The following ADGRL3 variants were observed in gnomAD, a reference collection of about 807,000 sequenced individuals.
The protein encoded by ADGRL3 is adhesion G protein-coupled receptor L3.
A neutral mutation model predicts 153.5 loss-of-function variants in ADGRL3; 62 were observed. The ratio of observed to expected loss-of-function variants is 0.40; its 90% CI spans 0.33 to 0.50. ADGRL3 has a LOEUF of 0.50. Ranked by LOEUF, ADGRL3 falls within the 20% of genes least tolerant of loss-of-function variation. The pLI is 0.47. For missense variants in ADGRL3, 1,641 were observed against 1,859.4 expected (o/e 0.88, Z 2.16); for synonymous variants, 710 against 672.5 (o/e 1.06, Z -0.86).
At chr4:62,017,619 G>T (rs1560511690) in intron 21 of ADGRL3, among the ~76,000 whole-genome samples, 1 of 151,952 alleles carries the variant, frequency 6.6e-6, no homozygotes, top group African/African-American at 2.4e-5. Context: ...ATAATGTATT[G>T]TTTGTACTCT....
intron 9 of ADGRL3, among the ~76,000 whole-genome samples, chr4:61,853,127 A>G (rs1055901020): frequency 6.6e-6 from 1 of 151,926 alleles, no homozygotes; most frequent in Non-Finnish European, 1.5e-5. Flanking sequence ...GTGTGGAGCC[A>G]CTGCCCCTGG....
At chr4:61,220,112 CAAAAAA>C (rs71211371) in intron 1 of ADGRL3, among the ~76,000 whole-genome samples, 1 of 135,760 alleles carries the variant, frequency 7.4e-6, no homozygotes, top group Non-Finnish European at 1.6e-5. Context: ...AAATCTGTCT[CAAAAAA>C]AAAAAAAAAA....
At chr4:61,754,622 A>ATTTG (rs1232473164) in intron 8 of ADGRL3, among the ~76,000 whole-genome samples, 1 of 150,600 alleles carries the variant, frequency 6.6e-6, no homozygotes, top group African/African-American at 2.4e-5. Flanking sequence ...ATATATATTT[A>ATTTG]TTTATTATTA....
At chr4:61,812,911 A>G (rs1343813641) in intron 8 of ADGRL3, among the ~76,000 whole-genome samples, 1 of 152,172 alleles carries the variant, frequency 6.6e-6, no homozygotes, top group African/African-American at 2.4e-5. Context: ...TTTTCATTAA[A>G]TACAGTAGGA....
At chr4:61,646,671 C>T (rs956979884) in intron 5 of ADGRL3, among the ~76,000 whole-genome samples, 8 of 152,168 alleles carry the variant, frequency 5.3e-5, no homozygotes, top group Middle Eastern at 3.4e-3. Context: ...GAACCACTGC[C>T]CTCTTCAAAG....
rs549566606 is a variant in ADGRL3, at chr4:61,813,603, C to A, written c.1400-206C>A. On this transcript the variant is annotated intron_variant, in intron 8 of 26. Transcript: ENST00000683033. ...TTCACAACAACAAAAAAAGAAGAAA[C>A]ATAACTCAGATTGTTGGAAAAGCAC... Among the ~76,000 whole-genome samples the A allele has an allele frequency of 2.0e-5, 3 of 152,128 alleles. No individual in the cohort carries two copies. The South Asian group carries it at 6.2e-4, about 32-fold the overall frequency.
chr4:61,269,293 TC>T (rs1206106841), intron 1 of ADGRL3, among the ~76,000 whole-genome samples: 1 of 151,628 alleles, frequency 6.6e-6, no homozygotes, highest in Non-Finnish European at 1.5e-5. Flanking sequence ...TTCTCCTTCT[TC>T]CTTTTCTCTG....
At chr4:61,800,158 G>T (rs147174768) in intron 8 of ADGRL3, among the ~76,000 whole-genome samples, 73 of 152,214 alleles carry the variant, frequency 4.8e-4, no homozygotes, top group Middle Eastern at 3.4e-3. Flanking sequence ...CTAGCAAAAA[G>T]AAACCTTCTT....
intron 19 of ADGRL3, among the ~76,000 whole-genome samples, chr4:61,993,290 CTTTT>C (rs761710043): frequency 1.4e-5 from 1 of 69,200 alleles, no homozygotes; most frequent in East Asian, 6.0e-4. Context: ...TCTTTCTTTC[CTTTT>C]TTTTTTTTTT....
intron 4 of ADGRL3, among the ~76,000 whole-genome samples, chr4:61,554,415 C>T (rs1314808083): frequency 6.6e-6 from 1 of 151,980 alleles, no homozygotes; most frequent in Non-Finnish European, 1.5e-5. Flanking sequence ...AGGCTGGTCT[C>T]AAACTCCTGA....
At chr4:61,591,713 C>T (rs1166893542) in intron 5 of ADGRL3, among the ~76,000 whole-genome samples, 2 of 151,596 alleles carry the variant, frequency 1.3e-5, no homozygotes, top group South Asian at 2.1e-4. Flanking sequence ...TTTAAAGGAG[C>T]GATCTAAGTT....
chr4:61,912,640 C>A, intron 12 of ADGRL3, 79 bp from the exon 13 acceptor site: 8 of 1,284,172 alleles, frequency 6.2e-6, no homozygotes, highest in Non-Finnish European at 7.8e-6. Context: ...TAGATGTGTT[C>A]TTTTATTTTT....
intron 3 of ADGRL3, among the ~76,000 whole-genome samples, chr4:61,509,956 C>A (rs2098454338): frequency 6.6e-6 from 1 of 152,076 alleles, no homozygotes; most frequent in African/African-American, 2.4e-5. Flanking sequence ...TAATAATAGC[C>A]ATTCTGACTG....
At chr4:61,543,184 C>T (rs2098698838) in intron 4 of ADGRL3, among the ~76,000 whole-genome samples, 1 of 133,302 alleles carries the variant, frequency 7.5e-6, no homozygotes, top group Admixed American at 8.2e-5. Flanking sequence ...ACATTTGAAT[C>T]CCTGGAACCT....
intron 2 of ADGRL3, among the ~76,000 whole-genome samples, chr4:61,410,748 C>T (rs2097076655): frequency 6.6e-6 from 1 of 152,284 alleles, no homozygotes; most frequent in East Asian, 1.9e-4. Flanking sequence ...ACAGAATACA[C>T]TATCGTGCAG....
intron 8 of ADGRL3, among the ~76,000 whole-genome samples, chr4:61,782,178 A>G (rs2097220967): frequency 6.6e-6 from 1 of 152,168 alleles, no homozygotes; most frequent in Admixed American, 6.5e-5. Context: ...TGCATCCTAA[A>G]TATGTGAGTT....
At chr4:61,934,096 C>A (rs899718245) in intron 13 of ADGRL3, 4 of 152,116 alleles carry the variant, frequency 2.6e-5, no homozygotes, top group African/African-American at 9.7e-5. Flanking sequence ...AGAGATGATT[C>A]TTTTGGATGA....
chr4:61,898,260 C>T (rs964205494), intron 11 of ADGRL3, among the ~76,000 whole-genome samples: 1 of 152,120 alleles, frequency 6.6e-6, no homozygotes, highest in African/African-American at 2.4e-5. Context: ...CTTGGCTTTT[C>T]TCCACTCCCT....
intron 2 of ADGRL3, among the ~76,000 whole-genome samples, chr4:61,430,711 C>T (rs1168997052): frequency 1.3e-5 from 2 of 152,054 alleles, no homozygotes; most frequent in Non-Finnish European, 2.9e-5. Context: ...ATCCCTTATT[C>T]AGGGAATGGT....
Sources: gnomAD v4.1 joint callset for allele counts (sites outside exome capture counted in the v4.1 genomes callset) on GRCh38, gnomAD v4.1.1 for gene constraint, MANE v1.5 for transcripts, NCBI Gene and HGNC (gene_info 2026-07-23, HGNC 2026-07-21) for gene names.